Variants in NCAM2 observed in about 807,000 individuals in gnomAD.
NCAM2 encodes the protein neural cell adhesion molecule 2, also known as N-CAM-2.
Under a neutral mutation model 98.1 loss-of-function variants are expected in NCAM2, and 30 were observed. The observed-to-expected ratio is 0.31, with a 90% CI of 0.23 to 0.41. NCAM2 has a LOEUF of 0.41. Ranked by LOEUF, NCAM2 falls within the 10% of genes least tolerant of loss-of-function variation. The pLI, the probability that NCAM2 is intolerant of heterozygous loss-of-function variation, is 1.00. For synonymous variants in NCAM2, 368 were observed against 342.4 expected, an observed-to-expected ratio of 1.07 and a Z score of -0.83; for missense variants, 867 against 1,005.8, an observed-to-expected ratio of 0.86 and a Z score of 1.87.
chr21:21,479,915 A>G (rs1350163263), intron 15 of NCAM2, among the ~76,000 whole-genome samples: 2 of 152,068 alleles, frequency 1.3e-5, no homozygotes, highest in Non-Finnish European at 2.9e-5. Context: ...GTTAAGATCT[A>G]TCATTTATTA....
At chr21:21,125,973 T>C (rs866795545) in intron 1 of NCAM2, among the ~76,000 whole-genome samples, 1 of 151,682 alleles carries the variant, frequency 6.6e-6, no homozygotes, top group South Asian at 2.1e-4. Flanking sequence ...TGCAAAACTG[T>C]TGCTTTAGTA....
rs1025634433 is a variant in NCAM2 at position 21,301,172 on chromosome 21, C to A, written c.619+8931C>A. Reference sequence around the variant, plus strand: ...AGGCATACTTTGTGAATATTTCCTCCCATTCTGTAAATTGTCTGTTTATTC... The same window carrying A: ...AGGCATACTTTGTGAATATTTCCTCACATTCTGTAAATTGTCTGTTTATTC... On this transcript the variant is annotated intron_variant, in intron 5 of 17. Coordinates refer to ENST00000400546, the MANE Select transcript of NCAM2 (RefSeq NM_004540.5). Among the ~76,000 whole-genome samples the A allele has an allele frequency of 5.9e-5, 9 of 151,948 alleles. No individual in the cohort carries two copies. In the East Asian group the frequency reaches 1.5e-3, roughly 26 times the overall value.
rs533204620 is a variant in NCAM2 at position 21,380,534 on chromosome 21, T to C, written c.1195+6521T>C. On this transcript the variant is annotated intron_variant, in intron 9 of 17. Coordinates refer to ENST00000400546, the MANE Select transcript of NCAM2 (RefSeq NM_004540.5). ...GTGTGGGTCGGGCTGTGTTCCCTTGTGGAAGCTCCAGAAGGATTCTGTTTT... is the reference window on the plus strand; with the variant it reads ...GTGTGGGTCGGGCTGTGTTCCCTTGCGGAAGCTCCAGAAGGATTCTGTTTT... 4.6e-5 allele frequency among the ~76,000 whole-genome samples: 7 copies of C among 152,240 alleles called. No individual in the cohort carries two copies. In the South Asian group the frequency reaches 1.2e-3, roughly 27 times the overall value.
chr21:21,238,987 T>C (rs1352850803), intron 1 of NCAM2, among the ~76,000 whole-genome samples: 1 of 152,124 alleles, frequency 6.6e-6, no homozygotes, highest in Non-Finnish European at 1.5e-5. Flanking sequence ...TAAATGAAAT[T>C]AGATTCCCAA....
intron 1 of NCAM2, among the ~76,000 whole-genome samples, chr21:21,114,358 A>T (rs1310464469): frequency 6.6e-6 from 1 of 152,186 alleles, no homozygotes; most frequent in Non-Finnish European, 1.5e-5. Context: ...TATTATAAGC[A>T]ATGTTTCATT....
intron 5 of NCAM2, among the ~76,000 whole-genome samples, chr21:21,306,185 A>T (rs1471674250): frequency 6.6e-6 from 1 of 152,136 alleles, no homozygotes; most frequent in Non-Finnish European, 1.5e-5. Flanking sequence ...ATGTTTTGGT[A>T]ATTATCAGTT....
intron 1 of NCAM2, among the ~76,000 whole-genome samples, chr21:21,107,955 T>C (rs1304569619): frequency 6.6e-6 from 1 of 152,128 alleles, no homozygotes; most frequent in Non-Finnish European, 1.5e-5. Context: ...TGTTCTACAA[T>C]TTATTAATAT....
At chr21:21,210,676 A>T in intron 1 of NCAM2, 2 of 1,270,346 alleles carry the variant, frequency 1.6e-6, no homozygotes, top group Non-Finnish European at 2.0e-6. Context: ...GCAACCAGAG[A>T]CTTATTACAG....
At chr21:21,292,063 C>T (rs745983097) in intron 4 of NCAM2, 41 bp from the exon 5 acceptor site, 2 of 1,589,530 alleles carry the variant, frequency 1.3e-6, no homozygotes, top group Non-Finnish European at 1.7e-6. Context: ...ACTTAGCCTT[C>T]AATTACTGAT....
At chr21:21,281,920 T>C (rs940023436) in intron 2 of NCAM2, among the ~76,000 whole-genome samples, 2 of 151,730 alleles carry the variant, frequency 1.3e-5, no homozygotes, top group Non-Finnish European at 3.0e-5. Context: ...TTATAAATCA[T>C]ATTCAGAGCA....
intron 15 of NCAM2, among the ~76,000 whole-genome samples, chr21:21,500,868 T>C (rs538588568): frequency 6.6e-6 from 1 of 152,190 alleles, no homozygotes; most frequent in Non-Finnish European, 1.5e-5. Flanking sequence ...TACTATTTTA[T>C]TTCGTGACAA....
intron 1 of NCAM2, among the ~76,000 whole-genome samples, chr21:21,012,270 G>A (rs541212256): frequency 2.0e-5 from 3 of 152,100 alleles, no homozygotes; most frequent in Non-Finnish European, 2.9e-5. Flanking sequence ...CGATTGTTTA[G>A]ATTAGTGTAA....
intron 1 of NCAM2, among the ~76,000 whole-genome samples, chr21:21,094,460 T>A (rs781603541): frequency 5.3e-5 from 8 of 151,960 alleles, no homozygotes; most frequent in Admixed American, 4.6e-4. Flanking sequence ...CTAAACAATA[T>A]ACTCAGACAT....
chr21:21,056,479 CAG>C (rs2065211782), intron 1 of NCAM2, among the ~76,000 whole-genome samples: 1 of 112,206 alleles, frequency 8.9e-6, no homozygotes. Flanking sequence ...GAGCAAGTGA[CAG>C]AGATATGTCT....
chr21:21,487,126 TA>T (rs1438269844), intron 15 of NCAM2, among the ~76,000 whole-genome samples: 30 of 152,274 alleles, frequency 2.0e-4, no homozygotes, highest in Admixed American at 7.9e-4. Context: ...TTCCAATAAA[TA>T]AAACCTTAGA....
At chr21:21,302,967 G>A (rs945637098) in intron 5 of NCAM2, among the ~76,000 whole-genome samples, 1 of 152,082 alleles carries the variant, frequency 6.6e-6, no homozygotes, top group African/African-American at 2.4e-5. Context: ...GATGAAGCTG[G>A]AGACCATAAT....
At chr21:21,249,002 A>T (rs1418180773) in intron 1 of NCAM2, among the ~76,000 whole-genome samples, 1 of 151,990 alleles carries the variant, frequency 6.6e-6, no homozygotes, top group Non-Finnish European at 1.5e-5. Context: ...AAATATCTTG[A>T]AGGTCAGATA....
chr21:21,158,394 T>C (rs980410310), intron 1 of NCAM2, among the ~76,000 whole-genome samples: 1 of 152,074 alleles, frequency 6.6e-6, no homozygotes, highest in Non-Finnish European at 1.5e-5. Context: ...GGGCAGATCA[T>C]GAGGTCAAGT....
intron 1 of NCAM2, among the ~76,000 whole-genome samples, chr21:21,238,635 CTTAATA>C (rs1219813361): frequency 1.3e-5 from 2 of 151,118 alleles, no homozygotes; most frequent in East Asian, 1.9e-4. Flanking sequence ...CTCTTTTCTT[CTTAATA>C]TTAGTATTTG....
Sources: gnomAD v4.1 joint callset for allele counts (sites outside exome capture counted in the v4.1 genomes callset) on GRCh38, gnomAD v4.1.1 for gene constraint, MANE v1.5 for transcripts, NCBI Gene and HGNC (gene_info 2026-07-23, HGNC 2026-07-21) for gene names.